MAP3K3: variants seen among roughly 807,000 people sequenced by gnomAD.
The protein encoded by MAP3K3 is MAP/ERK kinase kinase 3.
In MAP3K3, 12 loss-of-function variants were observed where a neutral mutation model predicts 80.9. The ratio of observed to expected loss-of-function variants is 0.15; its 90% CI spans 0.10 to 0.24. The LOEUF (loss-of-function observed/expected upper bound fraction) is 0.24, where lower values mean the gene tolerates loss of function less well. MAP3K3 is among the 10% of genes least tolerant of loss of function. MAP3K3 has a pLI of 1.00. For missense variants in MAP3K3, 596 were observed against 834.7 expected (o/e 0.71, Z 3.52); for synonymous variants, 272 against 307.1 (o/e 0.89, Z 1.19).
chr17:63,690,956 A>T, intron 12 of MAP3K3, 146 bp from the exon 13 acceptor site: 1 of 925,698 alleles, frequency 1.1e-6, no homozygotes, highest in Non-Finnish European at 1.6e-6. Flanking sequence ...GCCAAGAGCT[A>T]GACAGTTAAG....
At chr17:63,669,348 A>G (rs1368978773) in intron 6 of MAP3K3, among the ~76,000 whole-genome samples, 1 of 152,176 alleles carries the variant, frequency 6.6e-6, no homozygotes, top group Non-Finnish European at 1.5e-5. Context: ...AGAGGCCAAG[A>G]AAGGATGCCT....
intron 1 of MAP3K3, among the ~76,000 whole-genome samples, chr17:63,626,151 A>G (rs1033599727): frequency 6.6e-6 from 1 of 152,200 alleles, no homozygotes; most frequent in Non-Finnish European, 1.5e-5. Context: ...ACTGAGCATT[A>G]CTTAGGGGAA....
In MAP3K3 at chr17:63,667,052, T is replaced by G. The variant is rs928510869; in HGVS notation, c.494T>G (p.Leu165Arg). Residue 165 changes from leucine to arginine, a missense_variant, in exon 6 of 16, where the codon CTC becomes CGC. Around this residue, in one of 2 missense-constraint regions of MAP3K3, gnomAD observed 232 missense variants for 245.8 expected, o/e 0.94. Coordinates refer to ENST00000361733, the MANE Select transcript of MAP3K3 (RefSeq NM_002401.5). ...CCCCCCGAGCCCAGAAGCAGGCACC[T>G]CTCTGTCAGTGAGTATTTCAACCCT... is the stretch of plus-strand genomic sequence containing the variant. Reference protein sequence around the residue: ...YQPPEPRSRHLSVSSQNPGRS... With the variant: ...YQPPEPRSRHRSVSSQNPGRS... The G allele has an allele frequency of 4.4e-6, 7 of 1,602,178 alleles. No individual in the cohort carries two copies. The highest frequency in any genetic ancestry group is 5.9e-6 in the Non-Finnish European group (7 of 1,176,908).
In MAP3K3 at chr17:63,678,116, T is replaced by C. The variant is rs191372769; in HGVS notation, c.503-3650T>C. 8.1e-4 allele frequency among the ~76,000 whole-genome samples: 123 copies of C among 152,312 alleles called. 1 individual carries two copies. The highest frequency in any genetic ancestry group is 2.8e-3 in the African/African-American group (115 of 41,560). Reference sequence around the variant, plus strand: ...TATGAGAGTCACAAAGCCTGTTTTCTCGCTTCGGCCCCACCATAAAGTCAC... The same window carrying C: ...TATGAGAGTCACAAAGCCTGTTTTCCCGCTTCGGCCCCACCATAAAGTCAC... On this transcript the variant is annotated intron_variant, in intron 6 of 15. Coordinates refer to ENST00000361733, the MANE Select transcript of MAP3K3 (RefSeq NM_002401.5).
chr17:63,632,345 A>T (rs886883900), intron 1 of MAP3K3, among the ~76,000 whole-genome samples: 2 of 152,098 alleles, frequency 1.3e-5, no homozygotes, highest in African/African-American at 4.8e-5. Context: ...TAAAAAAATC[A>T]TCCAGGCATG....
chr17:63,659,326 A>G (rs1391882870), intron 5 of MAP3K3, among the ~76,000 whole-genome samples: 3 of 152,206 alleles, frequency 2.0e-5, no homozygotes, highest in Non-Finnish European at 4.4e-5. Flanking sequence ...TTTACATTTA[A>G]GAGTAACAAT....
At chr17:63,650,884 A>G (rs1005838246) in intron 3 of MAP3K3, among the ~76,000 whole-genome samples, 1 of 152,070 alleles carries the variant, frequency 6.6e-6, no homozygotes, top group Non-Finnish European at 1.5e-5. Flanking sequence ...TTTAGTAGGC[A>G]GGAGGGCTCA....
At position 63,649,539 on chromosome 17, in the gene MAP3K3, C is replaced by T. The variant is rs193297955; in HGVS notation, c.168-3018C>T. On this transcript the variant is annotated intron_variant, in intron 3 of 15. Coordinates refer to ENST00000361733, the MANE Select transcript of MAP3K3 (RefSeq NM_002401.5). ...GGCTCAAGCAGTCCTCCTGCCTCAA[C>T]CTCCCAGGTGCCTGGGACAACAGGC... Among the ~76,000 whole-genome samples the T allele has an allele frequency of 1.4e-3, 212 of 152,194 alleles. 1 individual carries two copies. The highest frequency in any genetic ancestry group is 0.012 in the Admixed American group (180 of 15,292).
intron 1 of MAP3K3, among the ~76,000 whole-genome samples, chr17:63,622,980 G>A (rs1195763824): frequency 6.9e-6 from 1 of 144,590 alleles, no homozygotes; most frequent in Non-Finnish European, 1.5e-5. Flanking sequence ...GGCAGAGCCC[G>A]CTCGGCAGCC....
At chr17:63,671,260 CTTT>C (rs56093750) in intron 6 of MAP3K3, among the ~76,000 whole-genome samples, 2 of 141,140 alleles carry the variant, frequency 1.4e-5, no homozygotes, top group African/African-American at 2.6e-5. Flanking sequence ...AAATTATTTT[CTTT>C]TTTTTTTTTT....
intron 1 of MAP3K3, among the ~76,000 whole-genome samples, chr17:63,629,177 C>A (rs2143149249): frequency 6.6e-6 from 1 of 151,654 alleles, no homozygotes; most frequent in Middle Eastern, 3.4e-3. Context: ...TGCTGGAGTT[C>A]AGTAGCGCTA....
intron 6 of MAP3K3, among the ~76,000 whole-genome samples, chr17:63,679,992 C>G (rs1442317017): frequency 2.0e-5 from 3 of 152,146 alleles, no homozygotes; most frequent in African/African-American, 7.2e-5. Context: ...CAAGACTAGC[C>G]TGGGCAACAG....
At chr17:63,680,840 C>A (rs1316260200) in intron 6 of MAP3K3, among the ~76,000 whole-genome samples, 2 of 150,012 alleles carry the variant, frequency 1.3e-5, no homozygotes, top group East Asian at 3.9e-4. Flanking sequence ...CCTTGAGTCT[C>A]CGTCTCCTCC....
chr17:63,673,339 G>A (rs988959906), intron 6 of MAP3K3, among the ~76,000 whole-genome samples: 2 of 152,034 alleles, frequency 1.3e-5, no homozygotes, highest in Non-Finnish European at 2.9e-5. Flanking sequence ...TGCATACCTT[G>A]AATTCCAGGT....
intron 6 of MAP3K3, among the ~76,000 whole-genome samples, chr17:63,679,285 A>G (rs1490230685): frequency 6.6e-6 from 1 of 151,938 alleles, no homozygotes; most frequent in Non-Finnish European, 1.5e-5. Context: ...CTTCCTTCTG[A>G]GGGTCTTTGA....
rs189674375 is a variant in MAP3K3 at position 63,695,438 on chromosome 17, G to A, written c.*1661G>A. On this transcript the variant is annotated 3_prime_UTR_variant, in exon 16 of 16. Coordinates refer to ENST00000361733, the MANE Select transcript of MAP3K3 (RefSeq NM_002401.5). The surrounding 1 kb of genome is among the most constrained non-coding windows in gnomAD (Gnocchi z 4.1). Reference sequence around the variant, plus strand: ...GCAGAAGTGTGTGTCGCATGCGCCAGTTGGGCCTGGACCCTCCTGTGTCCA... The same window carrying A: ...GCAGAAGTGTGTGTCGCATGCGCCAATTGGGCCTGGACCCTCCTGTGTCCA... The A allele has an allele frequency of 1.3e-5, 2 of 152,810 alleles. No homozygotes were observed. Among genetic ancestry groups the A allele is most frequent in the Non-Finnish European group, 2.9e-5 (2 of 68,092 alleles). The allele number at this position is 152,810 out of a possible 1,614,324, so 9.5% of individuals were successfully genotyped here.
chr17:63,681,215 C>T (rs553825104), intron 6 of MAP3K3, among the ~76,000 whole-genome samples: 45 of 151,492 alleles, frequency 3.0e-4, no homozygotes, highest in Middle Eastern at 3.4e-3. Context: ...CAGACCATCA[C>T]GAAGGCCTTT....
intron 6 of MAP3K3, among the ~76,000 whole-genome samples, chr17:63,676,900 A>G (rs1476166360): frequency 6.6e-6 from 1 of 152,180 alleles, no homozygotes; most frequent in Non-Finnish European, 1.5e-5. Context: ...TGTTAATCTC[A>G]TAGAAGTGCA....
chr17:63,667,143 A>C, intron 6 of MAP3K3, 83 bp downstream of exon 6: 1 of 1,392,942 alleles, frequency 7.2e-7, no homozygotes, highest in Non-Finnish European at 9.7e-7. Flanking sequence ...TTAATTAAAT[A>C]ATCATCAAAT....
Sources: allele counts gnomAD v4.1 joint callset (sites outside exome capture counted in the v4.1 genomes callset), GRCh38; gene constraint gnomAD v4.1.1; regional missense constraint gnomAD v4.1.1; non-coding constraint Gnocchi (gnomAD v3.1); transcripts MANE v1.5; gene names NCBI Gene and HGNC (gene_info 2026-07-23, HGNC 2026-07-21).